LRP1: variants seen among roughly 807,000 people sequenced by gnomAD.
LRP1 encodes the protein prolow-density lipoprotein receptor-related protein 1.
In LRP1, 51 loss-of-function variants were observed where a neutral mutation model predicts 541.5. That is an observed-to-expected ratio of 0.09 (90% confidence interval 0.08 to 0.12). LRP1 has a LOEUF of 0.12. LRP1 is among the 10% of genes least tolerant of loss of function. LRP1 has a pLI of 1.00. For missense variants in LRP1, 3,878 were observed against 6,376.2 expected (o/e 0.61, Z 13.34); for synonymous variants, 2,219 against 2,470.8 (o/e 0.90, Z 3.02).
At chr12:57,163,555 G>A (rs1315049967) in intron 15 of LRP1, among the ~76,000 whole-genome samples, 1 of 151,156 alleles carries the variant, frequency 6.6e-6, no homozygotes, top group African/African-American at 2.4e-5. Flanking sequence ...CTCCAGCCTA[G>A]GCGACAGATG....
intron 24 of LRP1, among the ~76,000 whole-genome samples, chr12:57,176,436 C>T (rs550660671): frequency 2.6e-5 from 4 of 152,330 alleles, no homozygotes; most frequent in Admixed American, 6.5e-5. Context: ...TCCCAGGCAG[C>T]GTGGTGCACC....
At position 57,204,013 on chromosome 12, in the gene LRP1, GTCTTGGC is replaced by G. The variant is rs1192646090; in HGVS notation, c.10952-393_10952-387del. 3 of 201,578 alleles carry G rather than the reference GTCTTGGC, an allele frequency of 1.5e-5. No homozygotes were observed. The highest frequency in any genetic ancestry group is 1.1e-4 in the Admixed American group (2 of 18,204). The allele number at this position is 201,578 out of a possible 1,614,324, so 12.5% of individuals were successfully genotyped here. On this transcript the variant is annotated intron_variant, in intron 70 of 88. Coordinates refer to ENST00000243077, the MANE Select transcript of LRP1 (RefSeq NM_002332.3). The surrounding 1 kb of genome is among the most constrained non-coding windows in gnomAD (Gnocchi z 5.3). ...GGAAATCCCAACTGTGCGGGCAGAT[GTCTTGGC>G]TCTGCCTTGGTAGGCCAGGCACAGG...
chr12:57,204,825 T>C lies in LRP1; in HGVS notation c.11194+76T>C. ...GGGTGAGTCTGGTCCTCGTGGGAGC[T>C]GCACTGGGGTTAGGGTTAACCAGGA... On this transcript the variant is annotated intron_variant, in intron 72 of 88. Transcript: ENST00000243077. This position sits in a 1 kb window ranked among gnomAD's most constrained non-coding sequence, Gnocchi z 5.3. 1 of 1,587,246 alleles carries C rather than the reference T, an allele frequency of 6.3e-7. No homozygotes were observed. Among genetic ancestry groups the C allele is most frequent in the Non-Finnish European group, 8.6e-7 (1 of 1,161,052 alleles).
chr12:57,187,473 G>A lies in LRP1; in HGVS notation c.7031+17G>A, dbSNP rs749777245. 1.9e-6 allele frequency: 3 copies of A among 1,607,578 alleles called. No homozygotes were observed. The South Asian group carries it at 3.3e-5, about 18-fold the overall frequency. Reference sequence around the variant, plus strand: ...GTGCCAGAAGTGAGCTGCTGCCTGGGGATGGGGGTAGCAGGGAGAGGTGGG... The same window carrying A: ...GTGCCAGAAGTGAGCTGCTGCCTGGAGATGGGGGTAGCAGGGAGAGGTGGG... On this transcript the variant is annotated intron_variant, in intron 42 of 88. Coordinates refer to ENST00000243077, the MANE Select transcript of LRP1 (RefSeq NM_002332.3).
rs765120546 is a variant in LRP1, at chr12:57,197,512, C to T, written c.9163-33C>T. The T allele has an allele frequency of 4.1e-5, 66 of 1,613,822 alleles. No homozygotes were observed. Among genetic ancestry groups the T allele is most frequent in the East Asian group, 8.9e-5 (4 of 44,884 alleles). On this transcript the variant is annotated intron_variant, in intron 57 of 88. Transcript: ENST00000243077. The surrounding 1 kb of genome is among the most constrained non-coding windows in gnomAD (Gnocchi z 4.5). ...CAAATGTGGCCCCTGTTGCCACAAC[C>T]GACTTCTGCTGTCCTTCACTCCCCA... is the stretch of plus-strand genomic sequence containing the variant.
rs1565737024 is a variant in LRP1 at position 57,180,434 on chromosome 12, G to A, written c.5341G>A (p.Ala1781Thr). Reference sequence around the variant, plus strand: ...TGGGAGTGGGCTGGAGGTCATCGATGCCATGCGGAGCCAGCTGGGCAAGGC... The same window carrying A: ...TGGGAGTGGGCTGGAGGTCATCGATACCATGCGGAGCCAGCTGGGCAAGGC... ...LDGSGLEVID[A>T]MRSQLGKATA... Residue 1781 changes from alanine to threonine, a missense_variant, in exon 32 of 89, where the codon GCC becomes ACC. Transcript: ENST00000243077. The A allele has an allele frequency of 6.2e-7, 1 of 1,614,134 alleles. No individual in the cohort carries two copies. Among genetic ancestry groups the A allele is most frequent in the Admixed American group, 1.7e-5 (1 of 60,034 alleles).
chr12:57,156,401 T>A lies in LRP1; in HGVS notation c.1417+118T>A. On this transcript the variant is annotated intron_variant, in intron 9 of 88. Transcript: ENST00000243077. This position sits in a 1 kb window ranked among gnomAD's most constrained non-coding sequence, Gnocchi z 5.2. ...GGGGACCCTGGCTTCTTTCATGTCA[T>A]GACCGATTCTCCTAGCCAGCCACTC... 1 of 1,075,906 alleles carries A rather than the reference T, an allele frequency of 9.3e-7. No individual in the cohort carries two copies. Among genetic ancestry groups the A allele is most frequent in the South Asian group, 1.6e-5 (1 of 61,110 alleles). The allele number at this position is 1,075,906 out of a possible 1,614,324, so 66.6% of individuals were successfully genotyped here.
At position 57,200,826 on chromosome 12, in the gene LRP1, G is replaced by GGGGGGCCCCCCCCC; in HGVS notation, c.10225+11_10225+12insGGGGGCCCCCCCCC. 2 of 1,581,418 alleles carry GGGGGGCCCCCCCCC rather than the reference G, an allele frequency of 1.3e-6. No homozygotes were observed. The highest frequency in any genetic ancestry group is 1.7e-6 in the Non-Finnish European group (2 of 1,157,668). ...ACGAGGCCAACTGTGGTAAGGCGCT[G>GGGGGGCCCCCCCCC]CCCGCCCACCCTCCCTCCTTCCCCA... is the stretch of plus-strand genomic sequence containing the variant. On this transcript the variant is annotated intron_variant, in intron 64 of 88. Transcript: ENST00000243077.
Position 57,176,768 on chromosome 12 carries a change from A to C in LRP1, c.3992-273A>C, listed in dbSNP as rs36012967. ...ACACATAATGTATTAGCATGGAAAA[A>C]TCTTTATGGCAGTCACTTGAGCTCA... On this transcript the variant is annotated intron_variant, in intron 24 of 88. Transcript: ENST00000243077. 8.8e-3 allele frequency among the ~76,000 whole-genome samples: 1,333 copies of C among 152,152 alleles called. 13 individuals are homozygous for C. The highest frequency in any genetic ancestry group is 0.03 in the African/African-American group (1,241 of 41,500).
At chr12:57,144,583 A>T in intron 4 of LRP1, 1 of 197,218 alleles carries the variant, frequency 5.1e-6, no homozygotes, top group Non-Finnish European at 1.1e-5. Flanking sequence ...TTGCACTAGC[A>T]CCTCTAATGT....
rs1292546536 is a variant in LRP1, at chr12:57,201,674, C to T, written c.10468+55C>T. The stretch of plus-strand genomic sequence containing the variant: ...CCTCCCCAGTGTCTGCTGCTCACAC[C>T]ACCCCGACGTGTGACCCCCTCAGTG... On this transcript the variant is annotated intron_variant, in intron 66 of 88. Coordinates refer to ENST00000243077, the MANE Select transcript of LRP1 (RefSeq NM_002332.3). This position sits in a 1 kb window ranked among gnomAD's most constrained non-coding sequence, Gnocchi z 6.4. 1 of 1,596,730 alleles carries T rather than the reference C, an allele frequency of 6.3e-7. No homozygotes were observed. The highest frequency in any genetic ancestry group is 1.1e-5 in the South Asian group (1 of 89,518).
At chr12:57,194,879 C>A in intron 50 of LRP1, 106 bp from the exon 51 acceptor site, 2 of 1,167,726 alleles carry the variant, frequency 1.7e-6, no homozygotes, top group Non-Finnish European at 2.5e-6. Flanking sequence ...AGCCCCCCCA[C>A]AGAGGGGTGC....
At chr12:57,190,549 G>T (rs947614437) in intron 42 of LRP1, among the ~76,000 whole-genome samples, 9 of 152,212 alleles carry the variant, frequency 5.9e-5, no homozygotes, top group Non-Finnish European at 1.3e-4. Context: ...GCAAGTAGAC[G>T]GTCACTGCCC....
At chr12:57,164,775 C>T (rs185169294) in intron 15 of LRP1, 2 of 152,206 alleles carry the variant, frequency 1.3e-5, no homozygotes, top group African/African-American at 4.8e-5. Context: ...GATAGAATCC[C>T]GGAAGTGAAA....
chr12:57,161,044 G>C lies in LRP1; in HGVS notation c.2131G>C (p.Gly711Arg). ...PNGLSLDIPA[G>R]RLYWVDAFYD... Reference sequence around the variant, plus strand: ...TGGGCTAAGCCTGGACATCCCGGCTGGGCGCCTCTACTGGGTGGATGCCTT... The same window carrying C: ...TGGGCTAAGCCTGGACATCCCGGCTCGGCGCCTCTACTGGGTGGATGCCTT... The change falls in exon 13 of 89, where the codon GGG becomes CGG. Residue 711 changes from glycine (G) to arginine (R), a missense_variant. Coordinates refer to ENST00000243077, the MANE Select transcript of LRP1 (RefSeq NM_002332.3). The C allele has an allele frequency of 6.2e-7, 1 of 1,613,924 alleles. No individual in the cohort carries two copies. Among genetic ancestry groups the C allele is most frequent in the African/African-American group, 1.3e-5 (1 of 75,020 alleles).
In LRP1 at chr12:57,160,015, C is replaced by T; in HGVS notation, c.1979+10C>T. 6.2e-7 allele frequency: 1 copy of T among 1,612,954 alleles called. No homozygotes were observed. Among genetic ancestry groups the T allele is most frequent in the Non-Finnish European group, 8.5e-7 (1 of 1,179,202 alleles). On this transcript the variant is annotated intron_variant, in intron 12 of 88. Transcript: ENST00000243077. ...TGGATCCACTCAATGGGTGAGTCCT[C>T]CCAGGCCTTGGGGTGGGAGGAGCTG...
intron 22 of LRP1, 68 bp from the exon 23 acceptor site, chr12:57,175,392 C>T (rs2036022441): frequency 1.9e-6 from 3 of 1,592,274 alleles, no homozygotes; most frequent in East Asian, 4.5e-5. Context: ...TGGGGCCCAG[C>T]AGGGCCGTGG....
In LRP1 at chr12:57,183,340, G is replaced by A. The variant is rs2036205391; in HGVS notation, c.5663-39G>A. The A allele has an allele frequency of 7.0e-6, 11 of 1,582,680 alleles. No homozygotes were observed. The East Asian group carries it at 2.5e-4, about 36-fold the overall frequency. On this transcript the variant is annotated intron_variant, in intron 34 of 88. Coordinates refer to ENST00000243077, the MANE Select transcript of LRP1 (RefSeq NM_002332.3). The surrounding 1 kb of genome is among the most constrained non-coding windows in gnomAD (Gnocchi z 6.1). ...TGACAGGAACCAAGTTTAAGGGAGT[G>A]TTGGCGATACCCATGCCTTAAGTTT...
rs560905175 is a variant in LRP1, at chr12:57,136,400, C to G, written c.68-2059C>G. ...AGACTCCCTCCCTCCTAAGAGCCCCCCCCCCCCGCCATTTTCCTTATACTT... is the reference window on the plus strand; with the variant it reads ...AGACTCCCTCCCTCCTAAGAGCCCCGCCCCCCCGCCATTTTCCTTATACTT... On this transcript the variant is annotated intron_variant, in intron 1 of 88. Transcript: ENST00000243077. Among the ~76,000 whole-genome samples the G allele has an allele frequency of 2.2e-3, 319 of 145,840 alleles. 23 individuals are homozygous for G. Among genetic ancestry groups the G allele is most frequent in the East Asian group, 8.5e-3 (42 of 4,960 alleles).
Sources: gnomAD v4.1 joint callset for allele counts (sites outside exome capture counted in the v4.1 genomes callset) on GRCh38, gnomAD v4.1.1 for gene constraint, Gnocchi (gnomAD v3.1) non-coding constraint, MANE v1.5 for transcripts, NCBI Gene and HGNC (gene_info 2026-07-23, HGNC 2026-07-21) for gene names.